The following LAMP5 variants were observed in gnomAD, a reference collection of about 807,000 sequenced individuals.
LAMP5 encodes lysosome associated membrane protein 5, also known as lysosome-associated membrane glycoprotein 5.
LAMP5 carries 36 observed loss-of-function variants against 30.2 expected under a neutral mutation model. That is an observed-to-expected ratio of 1.19 (90% CI 0.91 to 1.57). LAMP5 has a LOEUF of 1.57. Among genes scored for constraint, LAMP5 ranks in the 40% most tolerant of loss-of-function variants. The pLI is 0.00. For missense variants in LAMP5, 377 were observed against 354.9 expected (o/e 1.06, Z -0.50); for synonymous variants, 149 against 134.6 (o/e 1.11, Z -0.74).
chr20:9,523,973 G>T (rs765370574), intron 5 of LAMP5, among the ~76,000 whole-genome samples: 2 of 152,126 alleles, frequency 1.3e-5, no homozygotes, highest in African/African-American at 2.4e-5. Flanking sequence ...TTAATATTTA[G>T]CATTTTCTTT....
chr20:9,526,356 A>G (rs1367217928), intron 5 of LAMP5, among the ~76,000 whole-genome samples: 1 of 152,226 alleles, frequency 6.6e-6, no homozygotes, highest in East Asian at 1.9e-4. Flanking sequence ...CTGCAAACCA[A>G]TCAAACCCTG....
intron 5 of LAMP5, 27 bp from the exon 6 acceptor site, chr20:9,529,615 C>G: frequency 1.2e-6 from 2 of 1,606,624 alleles, no homozygotes; most frequent in Non-Finnish European, 1.7e-6. Context: ...GACCAGAGCT[C>G]TCTGCTTTTC....
In LAMP5 at chr20:9,529,852, TCCC is replaced by T; in HGVS notation, c.*35_*37del. The stretch of plus-strand genomic sequence containing the variant: ...TTAGGCAGGCACCCCCTATTCCTGC[TCCC>T]CCAACTGGATCAGGTAGAACAACAA... On this transcript the variant is annotated 3_prime_UTR_variant, in exon 6 of 6. Transcript: ENST00000246070. 1 of 1,604,230 alleles carries T rather than the reference TCCC, an allele frequency of 6.2e-7. No homozygotes were observed.
chr20:9,514,773 C>T lies in LAMP5; in HGVS notation c.-80C>T, dbSNP rs2045021963. ...CCCGCCTCTCGCTCACCCCGGCCCA[C>T]TCCAGCGGCGACTTTGAGGGATTCC... On this transcript the variant is annotated 5_prime_UTR_variant, in exon 1 of 6. Coordinates refer to ENST00000246070, the MANE Select transcript of LAMP5 (RefSeq NM_012261.4). The T allele has an allele frequency of 2.9e-6, 4 of 1,373,934 alleles. No individual in the cohort carries two copies. The highest frequency in any genetic ancestry group is 1.0e-6 in the Non-Finnish European group (1 of 970,070). The allele number at this position is 1,373,934 out of a possible 1,614,324, so 85.1% of individuals were successfully genotyped here.
chr20:9,515,957 G>T (rs113063112), intron 2 of LAMP5, 43 bp from the exon 3 acceptor site: 2 of 1,462,234 alleles, frequency 1.4e-6, no homozygotes, highest in Admixed American at 2.8e-5. Flanking sequence ...CCCCGCCCCG[G>T]GGCCGGGCGA....
chr20:9,528,892 T>C (rs1488818842), intron 5 of LAMP5, among the ~76,000 whole-genome samples: 1 of 152,240 alleles, frequency 6.6e-6, no homozygotes, highest in Non-Finnish European at 1.5e-5. Context: ...CAGCATAATA[T>C]TTCTGAGATG....
chr20:9,520,978 A>G (rs544353439), intron 5 of LAMP5, among the ~76,000 whole-genome samples: 1 of 152,220 alleles, frequency 6.6e-6, no homozygotes, highest in South Asian at 2.1e-4. Context: ...TAGGTCTGGG[A>G]GTGGGCCCCA....
chr20:9,514,722 G>A lies in LAMP5; in HGVS notation c.-131G>A. The A allele has an allele frequency of 2.7e-6, 2 of 735,584 alleles. No individual in the cohort carries two copies. The highest frequency in any genetic ancestry group is 3.5e-5 in the South Asian group (2 of 57,500). 45.6% of individuals were successfully genotyped at this position (735,584 alleles called of 1,614,324 possible). On this transcript the variant is annotated 5_prime_UTR_variant, in exon 1 of 6. Transcript: ENST00000246070. ...CTAGCTAGGCGCTCACAGAATACGC[G>A]CTCCCTCCCTCCCCCTTCTCTGTCC...
At chr20:9,520,578 CGTGTGTGT>C (rs34089408) in intron 5 of LAMP5, among the ~76,000 whole-genome samples, 3 of 144,422 alleles carry the variant, frequency 2.1e-5, no homozygotes, top group African/African-American at 5.0e-5. Context: ...TCCGTGTGTT[CGTGTGTGT>C]GTGTGTGTGT....
Position 9,529,665 on chromosome 20 carries a change from C to A in LAMP5, c.688C>A (p.Arg230=). 1.2e-6 allele frequency: 2 copies of A among 1,614,072 alleles called. No individual in the cohort carries two copies. Among genetic ancestry groups the A allele is most frequent in the Non-Finnish European group, 1.7e-6 (2 of 1,179,990 alleles). Reference sequence around the variant, plus strand: ...AGAGCATAAATGCCCAGTGGATGAGCGGGAGCAACTGGAAGAAACCTTGCC... The same window carrying A: ...AGAGCATAAATGCCCAGTGGATGAGAGGGAGCAACTGGAAGAAACCTTGCC... ...SEEHKCPVDE[R]EQLEETLPLI... Residue 230 remains arginine, a synonymous_variant, in exon 6 of 6, where the codon CGG becomes AGG. Coordinates refer to ENST00000246070, the MANE Select transcript of LAMP5 (RefSeq NM_012261.4).
intron 5 of LAMP5, among the ~76,000 whole-genome samples, chr20:9,523,274 A>G (rs1568944696): frequency 6.6e-6 from 1 of 152,082 alleles, no homozygotes; most frequent in Non-Finnish European, 1.5e-5. Context: ...CTGCCAAACA[A>G]CAGGAGAAGC....
chr20:9,526,721 C>A (rs879816484), intron 5 of LAMP5, among the ~76,000 whole-genome samples: 9 of 151,858 alleles, frequency 5.9e-5, no homozygotes, highest in Admixed American at 2.0e-4. Context: ...AGAAGAAAGG[C>A]TCAGTTTAGT....
At position 9,515,456 on chromosome 20, in the gene LAMP5, CA is replaced by C; in HGVS notation, c.70del (p.Met24TrpfsTer55). On this transcript the variant is annotated frameshift_variant, in exon 2 of 6. Transcript: ENST00000246070. LOFTEE classifies it high-confidence loss of function. ...RLRVLLMLFH[T>X]MAQIMAEQEV... Reference sequence around the variant, plus strand: ...AATTGTTTTGTTTGTTCCGCAGATACAATGGCTCAAATCATGGCAGAACAAG... The same window carrying C: ...AATTGTTTTGTTTGTTCCGCAGATACATGGCTCAAATCATGGCAGAACAAG... 6.2e-7 allele frequency: 1 copy of C among 1,613,228 alleles called. No homozygotes were observed. The highest frequency in any genetic ancestry group is 8.5e-7 in the Non-Finnish European group (1 of 1,179,526).
chr20:9,523,902 T>C (rs2045094908), intron 5 of LAMP5, among the ~76,000 whole-genome samples: 1 of 152,248 alleles, frequency 6.6e-6, no homozygotes, highest in South Asian at 2.1e-4. Context: ...CTGGGGTATA[T>C]ATAGTTTATA....
At chr20:9,520,289 T>C (rs548006829) in intron 5 of LAMP5, among the ~76,000 whole-genome samples, 1 of 152,372 alleles carries the variant, frequency 6.6e-6, no homozygotes, top group Admixed American at 6.5e-5. Context: ...AATCACTCAC[T>C]GGATCAGTGT....
Position 9,524,610 on chromosome 20 carries a change from A to AC in LAMP5, c.665-5032_665-5031insC, listed in dbSNP as rs1568945087. Among the ~76,000 whole-genome samples the AC allele has an allele frequency of 1.3e-3, 196 of 150,460 alleles. 2 individuals carry two copies. The East Asian group carries it at 0.033, about 25-fold the overall frequency. On this transcript the variant is annotated intron_variant, in intron 5 of 5. Coordinates refer to ENST00000246070, the MANE Select transcript of LAMP5 (RefSeq NM_012261.4). The stretch of plus-strand genomic sequence containing the variant: ...CAGATCGAACTAAAAAAAAAAAAAA[A>AC]AAAAAACAAACAAAAAAAACCTTGG...
At position 9,518,148 on chromosome 20, in the gene LAMP5, C is replaced by G. The variant is rs137866690; in HGVS notation, c.584C>G (p.Pro195Arg). 3.1e-6 allele frequency: 5 copies of G among 1,614,084 alleles called. No homozygotes were observed. The South Asian group carries it at 4.4e-5, about 14-fold the overall frequency. ...QQTISLASSDPQKTVTMILSA... is the reference protein window; with the variant it reads ...QQTISLASSDRQKTVTMILSA... ...ACCATTTCACTGGCCTCTAGTGATC[C>G]GCAGAAGACGGTCACCATGATCCTG... is the stretch of plus-strand genomic sequence containing the variant. The change falls in exon 5 of 6, where the codon CCG becomes CGG. Residue 195 changes from proline (P) to arginine (R), a missense_variant. By Grantham distance (103) the Pro-to-Arg change is moderately radical. Coordinates refer to ENST00000246070, the MANE Select transcript of LAMP5 (RefSeq NM_012261.4).
intron 5 of LAMP5, among the ~76,000 whole-genome samples, chr20:9,526,860 GTATATATATATATATATATATATATA>G (rs201564418): frequency 4.2e-4 from 34 of 80,206 alleles, no homozygotes; most frequent in Admixed American, 9.3e-4. Flanking sequence ...GTGTGTGTGT[GTATATATATATATATATATATATATA>G]TATATATATA....
intron 1 of LAMP5, among the ~76,000 whole-genome samples, chr20:9,515,246 A>AT (rs11481720): frequency 0.18 from 27,944 of 151,772 alleles, 2,909 homozygotes; most frequent in African/African-American, 0.29. Flanking sequence ...AGGATTTTTA[A>AT]TTTTTTTAAC....
Sources: gnomAD v4.1 joint callset for allele counts (sites outside exome capture counted in the v4.1 genomes callset) on GRCh38, gnomAD v4.1.1 for gene constraint, MANE v1.5 for transcripts, NCBI Gene and HGNC (gene_info 2026-07-23, HGNC 2026-07-21) for gene names.